Variants in NRIP3 observed in about 807,000 individuals in gnomAD.
NRIP3 encodes the protein nuclear receptor-interacting protein 3.
Under a neutral mutation model 29.0 loss-of-function variants are expected in NRIP3, and 31 were observed. That is an observed-to-expected ratio of 1.07 (90% CI 0.80 to 1.44). NRIP3 has a LOEUF of 1.44. NRIP3 is among the 40% of genes most tolerant of loss of function. NRIP3 has a pLI of 0.00. For missense variants in NRIP3, 314 were observed against 297.9 expected, an observed-to-expected ratio of 1.05 and a Z score of -0.40; for synonymous variants, 131 against 118.3, an observed-to-expected ratio of 1.11 and a Z score of -0.70.
chr11:9,004,049 C>A (rs1854868592), upstream of NRIP3: 2 of 1,098,178 alleles, frequency 1.8e-6, no homozygotes, highest in South Asian at 2.3e-5. Context: ...CGTGACGTCG[C>A]GGGGAGCAGC....
chr11:8,992,841 C>T (rs1047775206), intron 1 of NRIP3, among the ~76,000 whole-genome samples: 7 of 151,384 alleles, frequency 4.6e-5, no homozygotes, highest in Non-Finnish European at 8.8e-5. Context: ...TGGAACTCAC[C>T]GTGGAGGTGG....
chr11:8,983,957 A>C lies in NRIP3; in HGVS notation c.628T>G (p.Leu210Val). The change falls in exon 6 of 7, where the codon TTG becomes GTG. Residue 210 changes from leucine to valine, a missense_variant. Physicochemically the swap from Leu to Val is conservative, Grantham distance 32. Coordinates refer to ENST00000309166, the MANE Select transcript of NRIP3 (RefSeq NM_020645.3). ...TLRSLKCIINLDKHRLIMGKT... is the reference protein window; with the variant it reads ...TLRSLKCIINVDKHRLIMGKT... ...CCCATGATCAGCCGGTGCTTATCCAAGTTTATGATGCACTGAAAACAGGTA... is the reference window on the plus strand; with the variant it reads ...CCCATGATCAGCCGGTGCTTATCCACGTTTATGATGCACTGAAAACAGGTA... 2.5e-6 allele frequency: 4 copies of C among 1,614,130 alleles called. No homozygotes were observed. The highest frequency in any genetic ancestry group is 3.4e-6 in the Non-Finnish European group (4 of 1,179,982).
intron 1 of NRIP3, among the ~76,000 whole-genome samples, chr11:8,997,701 C>T (rs1054145981): frequency 6.6e-6 from 1 of 152,218 alleles, no homozygotes; most frequent in Non-Finnish European, 1.5e-5. Flanking sequence ...GGCACCCACA[C>T]TGCTTAAACA....
intron 1 of NRIP3, among the ~76,000 whole-genome samples, chr11:8,992,542 A>C (rs1370752405): frequency 6.6e-6 from 1 of 152,220 alleles, no homozygotes; most frequent in African/African-American, 2.4e-5. Context: ...TCAAAATACA[A>C]AGGATTAGGA....
At position 8,980,597 on chromosome 11, in the gene NRIP3, A is replaced by G. The variant is rs1007716882; in HGVS notation, c.*2948T>C. On this transcript the variant is annotated 3_prime_UTR_variant, in exon 7 of 7. Transcript: ENST00000309166. ...CACACAGAGGGGAAGATTTCACTTT[A>G]TTGTTACATCAGTCTCACAAATGAA... 2.6e-5 allele frequency: 4 copies of G among 152,214 alleles called. No individual in the cohort carries two copies. Among genetic ancestry groups the G allele is most frequent in the African/African-American group, 9.7e-5 (4 of 41,448 alleles). The allele number at this position is 152,214 out of a possible 1,614,324, so 9.4% of individuals were successfully genotyped here.
At chr11:9,003,096 G>A (rs1471816205) in intron 1 of NRIP3, among the ~76,000 whole-genome samples, 7 of 152,176 alleles carry the variant, frequency 4.6e-5, no homozygotes, top group African/African-American at 1.7e-4. Context: ...GCACACATTA[G>A]CTGGTCGGTG....
Position 8,981,001 on chromosome 11 carries a change from A to G in NRIP3, c.*2544T>C, listed in dbSNP as rs1854405899. 1.3e-5 allele frequency: 2 copies of G among 152,204 alleles called. No individual in the cohort carries two copies. Among genetic ancestry groups the G allele is most frequent in the African/African-American group, 4.8e-5 (2 of 41,452 alleles). The allele number at this position is 152,204 out of a possible 1,614,324, so 9.4% of individuals were successfully genotyped here. On this transcript the variant is annotated 3_prime_UTR_variant, in exon 7 of 7. Coordinates refer to ENST00000309166, the MANE Select transcript of NRIP3 (RefSeq NM_020645.3). ...CATGCTACTGCCTATTTTCAGAACT[A>G]TGACACCCTTTCTCCCACACCCTCA...
At chr11:8,985,970 G>T (rs1317712380) in intron 3 of NRIP3, 120 bp from the exon 4 acceptor site, 1 of 1,190,566 alleles carries the variant, frequency 8.4e-7, no homozygotes. Flanking sequence ...TTAATCTACC[G>T]AAAAGTGCTA....
Position 8,993,624 on chromosome 11 carries a change from C to T in NRIP3, c.175-5342G>A, listed in dbSNP as rs1589962786. ...AGGAGTTCAAGACCAGACTGGGCAA[C>T]ATGGTGAAATTCTGCCTCTACAAAA... On this transcript the variant is annotated intron_variant, in intron 1 of 6. Coordinates refer to ENST00000309166, the MANE Select transcript of NRIP3 (RefSeq NM_020645.3). Among the ~76,000 whole-genome samples the T allele has an allele frequency of 2.0e-5, 3 of 151,984 alleles. No homozygotes were observed. The South Asian group carries it at 6.2e-4, about 32-fold the overall frequency.
rs904048366 is a variant in NRIP3, at chr11:9,003,945, GCCGGCGGCCCGGTAGCCCACAGCCCC to G, written c.-36_-11del. 6 of 1,480,982 alleles carry G rather than the reference GCCGGCGGCCCGGTAGCCCACAGCCCC, an allele frequency of 4.1e-6. No homozygotes were observed. Among genetic ancestry groups the G allele is most frequent in the Non-Finnish European group, 4.5e-6 (5 of 1,111,946 alleles). 91.7% of individuals were successfully genotyped at this position (1,480,982 alleles called of 1,614,324 possible). ...GCCCTGAGTAAAACATCGCTGAGGCGCCGGCGGCCCGGTAGCCCACAGCCCCCCGGCAGCCTCAGCCTCGAGCTCCT... is the reference window on the plus strand; with the variant it reads ...GCCCTGAGTAAAACATCGCTGAGGCGCCGGCAGCCTCAGCCTCGAGCTCCT... On this transcript the variant is annotated 5_prime_UTR_variant, in exon 1 of 7. Coordinates refer to ENST00000309166, the MANE Select transcript of NRIP3 (RefSeq NM_020645.3).
At position 8,980,600 on chromosome 11, in the gene NRIP3, G is replaced by A. The variant is rs2653609; in HGVS notation, c.*2945C>T. The A allele has an allele frequency of 0.2, 30,786 of 152,140 alleles. 3,673 individuals are homozygous for A. Among genetic ancestry groups the A allele is most frequent in the Middle Eastern group, 0.36 (107 of 294 alleles). The allele number at this position is 152,140 out of a possible 1,614,324, so 9.4% of individuals were successfully genotyped here. A position where few individuals can be genotyped will look rare whatever the true frequency, so the allele number is the denominator to read the frequency against. Reference sequence around the variant, plus strand: ...ACAGAGGGGAAGATTTCACTTTATTGTTACATCAGTCTCACAAATGAACCC... The same window carrying A: ...ACAGAGGGGAAGATTTCACTTTATTATTACATCAGTCTCACAAATGAACCC... On this transcript the variant is annotated 3_prime_UTR_variant, in exon 7 of 7. Coordinates refer to ENST00000309166, the MANE Select transcript of NRIP3 (RefSeq NM_020645.3).
chr11:8,997,342 C>T (rs1429479114), intron 1 of NRIP3, among the ~76,000 whole-genome samples: 2 of 114,040 alleles, frequency 1.8e-5, no homozygotes, highest in Non-Finnish European at 3.3e-5. Flanking sequence ...GGTGAGAGAG[C>T]GAGACTCCGT....
chr11:9,002,240 G>A (rs1364983953), intron 1 of NRIP3, among the ~76,000 whole-genome samples: 3 of 152,020 alleles, frequency 2.0e-5, no homozygotes, highest in African/African-American at 7.2e-5. Flanking sequence ...AGCATTCTAG[G>A]AACTAGGATA....
rs1566134228 is a variant in NRIP3, at chr11:8,982,923, A to C, written c.*622T>G. ...GCAGCATGGGAGTCTTGGCTTGGAA[A>C]TCAGGTCTGCGTTCTTGGTCCCTTC... On this transcript the variant is annotated 3_prime_UTR_variant, in exon 7 of 7. Transcript: ENST00000309166. 2.2e-6 allele frequency: 1 copy of C among 455,836 alleles called. No homozygotes were observed. Among genetic ancestry groups the C allele is most frequent in the Admixed American group, 2.4e-5 (1 of 42,412 alleles). The allele number at this position is 455,836 out of a possible 1,614,324, so 28.2% of individuals were successfully genotyped here.
At position 8,982,583 on chromosome 11, in the gene NRIP3, A is replaced by T. The variant is rs1046247004; in HGVS notation, c.*962T>A. On this transcript the variant is annotated 3_prime_UTR_variant, in exon 7 of 7. Transcript: ENST00000309166. ...CTGACAGTGACACTCTGATTTACTT[A>T]AGCCTTCAATTCCATATCAGAGAGG... is the stretch of plus-strand genomic sequence containing the variant. The T allele has an allele frequency of 6.1e-6, 1 of 163,060 alleles. No homozygotes were observed. The highest frequency in any genetic ancestry group is 6.4e-5 in the Admixed American group (1 of 15,734). The allele number at this position is 163,060 out of a possible 1,614,324, so 10.1% of individuals were successfully genotyped here.
At chr11:8,986,014 C>G (rs1320739033) in intron 3 of NRIP3, among the ~76,000 whole-genome samples, 164 bp from the exon 4 acceptor site, 4 of 152,180 alleles carry the variant, frequency 2.6e-5, no homozygotes, top group African/African-American at 9.7e-5. Flanking sequence ...GCACTTTGTC[C>G]TAAACATGCC....
Position 8,982,091 on chromosome 11 carries a change from G to C in NRIP3, c.*1454C>G, listed in dbSNP as rs1397678487. On this transcript the variant is annotated 3_prime_UTR_variant, in exon 7 of 7. Transcript: ENST00000309166. Reference sequence around the variant, plus strand: ...GGTAGACTTGGGAATATCTTAAAGGGATACCCACAGCTAGCTATTTTTCTG... The same window carrying C: ...GGTAGACTTGGGAATATCTTAAAGGCATACCCACAGCTAGCTATTTTTCTG... The C allele has an allele frequency of 1.3e-5, 2 of 152,166 alleles. No homozygotes were observed. The highest frequency in any genetic ancestry group is 2.9e-5 in the Non-Finnish European group (2 of 68,054). The allele number at this position is 152,166 out of a possible 1,614,324, so 9.4% of individuals were successfully genotyped here.
chr11:8,987,526 C>T (rs760770919), intron 3 of NRIP3, 22 bp downstream of exon 3: 19 of 1,564,578 alleles, frequency 1.2e-5, no homozygotes, highest in Non-Finnish European at 1.6e-5. Context: ...CTAAGTTCCA[C>T]TCAGCACAAG....
At chr11:9,003,734 C>A in intron 1 of NRIP3, 28 bp downstream of exon 1, 2 of 1,386,376 alleles carry the variant, frequency 1.4e-6, no homozygotes, top group Non-Finnish European at 1.9e-6. Flanking sequence ...CCGCCGGGGC[C>A]GGGGCGAGAA....
Sources: allele counts gnomAD v4.1 joint callset (sites outside exome capture counted in the v4.1 genomes callset), GRCh38; gene constraint gnomAD v4.1.1; transcripts MANE v1.5; gene names NCBI Gene and HGNC (gene_info 2026-07-23, HGNC 2026-07-21).